Variants in NPAS3 observed in about 807,000 individuals in gnomAD.
NPAS3 encodes neuronal PAS domain-containing protein 3.
Under a neutral mutation model 73.1 loss-of-function variants are expected in NPAS3, and 14 were observed. The ratio of observed to expected loss-of-function variants is 0.19; its 90% CI spans 0.13 to 0.30. NPAS3 has a LOEUF of 0.30. Ranked by LOEUF, NPAS3 falls within the 10% of genes least tolerant of loss-of-function variation. NPAS3 has a pLI of 1.00. For missense variants in NPAS3, 1,096 were observed against 1,250.0 expected, an observed-to-expected ratio of 0.88 and a Z score of 1.86; for synonymous variants, 620 against 541.5, an observed-to-expected ratio of 1.14 and a Z score of -2.01.
chr14:33,420,832 T>G (rs556947033), intron 4 of NPAS3, among the ~76,000 whole-genome samples: 2 of 152,028 alleles, frequency 1.3e-5, no homozygotes, highest in African/African-American at 4.8e-5. Flanking sequence ...TCTATATAGA[T>G]TCATGCCATC....
chr14:33,473,099 A>AT (rs919511374), intron 4 of NPAS3, among the ~76,000 whole-genome samples: 20 of 152,118 alleles, frequency 1.3e-4, no homozygotes, highest in African/African-American at 4.8e-4. Context: ...TAAAAGAGAG[A>AT]TTTTGCAGAG....
chr14:33,758,059 G>A (rs1791228540), intron 7 of NPAS3, among the ~76,000 whole-genome samples: 1 of 152,112 alleles, frequency 6.6e-6, no homozygotes, highest in Admixed American at 6.5e-5. Context: ...TAAATCTCAG[G>A]TGCAGTCATA....
intron 2 of NPAS3, among the ~76,000 whole-genome samples, chr14:33,095,219 G>A (rs1566555616): frequency 6.6e-6 from 1 of 152,222 alleles, no homozygotes; most frequent in Non-Finnish European, 1.5e-5. Flanking sequence ...AAAGGTAGGA[G>A]TGCAATGAGT....
At chr14:32,969,662 A>G (rs1180136947) in intron 1 of NPAS3, among the ~76,000 whole-genome samples, 2 of 152,206 alleles carry the variant, frequency 1.3e-5, no homozygotes, top group Admixed American at 1.3e-4. Flanking sequence ...CTAGATTAGA[A>G]TGTCCACTGT....
At chr14:33,717,273 T>C (rs1204395430) in intron 6 of NPAS3, among the ~76,000 whole-genome samples, 1 of 151,412 alleles carries the variant, frequency 6.6e-6, no homozygotes, top group Non-Finnish European at 1.5e-5. Context: ...GAAAACCAGT[T>C]TCCTCAGGGA....
intron 1 of NPAS3, among the ~76,000 whole-genome samples, chr14:32,954,690 A>G (rs2036606953): frequency 6.6e-6 from 1 of 152,082 alleles, no homozygotes; most frequent in Non-Finnish European, 1.5e-5. Flanking sequence ...CTCCTCTTCT[A>G]TCTTGCCTTT....
At position 33,337,627 on chromosome 14, in the gene NPAS3, T is replaced by A. The variant is rs1453528430; in HGVS notation, c.386-29559T>A. On this transcript the variant is annotated intron_variant, in intron 3 of 11. Coordinates refer to ENST00000356141, the Ensembl canonical transcript of NPAS3. ...ATTTGTTAGTTTCTATAAAAATTCCTGCTGGAATTTTTATAGAAATTCCAC... is the reference window on the plus strand; with the variant it reads ...ATTTGTTAGTTTCTATAAAAATTCCAGCTGGAATTTTTATAGAAATTCCAC... Among the ~76,000 whole-genome samples, 6 of 152,224 alleles carry A rather than the reference T, an allele frequency of 3.9e-5. No homozygotes were observed. In the East Asian group the frequency reaches 7.7e-4, roughly 20 times the overall value.
chr14:33,456,633 A>T (rs2050034824), intron 4 of NPAS3, among the ~76,000 whole-genome samples: 1 of 152,192 alleles, frequency 6.6e-6, no homozygotes, highest in Admixed American at 6.5e-5. Context: ...GGAAAGCTTT[A>T]TAACGACTCA....
rs371957624 is a variant in NPAS3 at position 33,308,523 on chromosome 14, TATATAC to T, written c.386-58659_386-58654del. On this transcript the variant is annotated intron_variant, in intron 3 of 11. Transcript: ENST00000356141. ...CTATTGCATAGTTTATATATATATA[TATATAC>T]ATACACACACACACACACACACACA... Among the ~76,000 whole-genome samples, 102 of 88,810 alleles carry T rather than the reference TATATAC, an allele frequency of 1.1e-3. 4 individuals carry two copies. Among genetic ancestry groups the T allele is most frequent in the African/African-American group, 1.3e-3 (28 of 21,720 alleles). The allele number at this position is 88,810 out of a possible 152,430, so 58.3% of individuals were successfully genotyped here. A position where few individuals can be genotyped will look rare whatever the true frequency, so the allele number is the denominator to read the frequency against.
At chr14:33,639,896 A>G (rs902370381) in intron 5 of NPAS3, among the ~76,000 whole-genome samples, 9 of 152,152 alleles carry the variant, frequency 5.9e-5, no homozygotes, top group Non-Finnish European at 1.0e-4. Flanking sequence ...TTTCAGCTAT[A>G]TTGTCTTACT....
intron 2 of NPAS3, among the ~76,000 whole-genome samples, chr14:33,087,356 C>G (rs1049199669): frequency 6.6e-6 from 1 of 151,250 alleles, no homozygotes; most frequent in African/African-American, 2.4e-5. Context: ...CCAAACTTAA[C>G]TTACTGTGTT....
intron 1 of NPAS3, among the ~76,000 whole-genome samples, chr14:32,999,239 C>T (rs368225285): frequency 1.4e-3 from 214 of 152,158 alleles, no homozygotes; most frequent in African/African-American, 4.5e-3. Context: ...CGGCCGGGTG[C>T]GGTGGCTCAT....
At chr14:33,684,530 T>A (rs1196305720) in intron 6 of NPAS3, among the ~76,000 whole-genome samples, 2 of 152,132 alleles carry the variant, frequency 1.3e-5, no homozygotes, top group Admixed American at 1.3e-4. Flanking sequence ...ACTCCTGACC[T>A]CAGGTGATCT....
chr14:33,718,164 T>C (rs1289722807), intron 6 of NPAS3, among the ~76,000 whole-genome samples: 1 of 152,146 alleles, frequency 6.6e-6, no homozygotes, highest in Non-Finnish European at 1.5e-5. Context: ...TCCTGTTCTT[T>C]TCATTCTTCT....
chr14:33,015,326 T>G (rs1012554174), intron 1 of NPAS3, among the ~76,000 whole-genome samples: 9 of 152,082 alleles, frequency 5.9e-5, no homozygotes, highest in Admixed American at 5.2e-4. Context: ...AAATTGAAAT[T>G]TGGGGCTAGT....
intron 1 of NPAS3, among the ~76,000 whole-genome samples, chr14:33,051,263 A>T (rs10151241): frequency 0.023 from 3,021 of 128,936 alleles, 100 homozygotes; most frequent in African/African-American, 0.086. Context: ...CCTGGGCAAC[A>T]GAGCGAGACT....
intron 1 of NPAS3, among the ~76,000 whole-genome samples, chr14:32,984,713 G>A (rs573756827): frequency 6.6e-6 from 1 of 152,196 alleles, no homozygotes; most frequent in Admixed American, 6.5e-5. Flanking sequence ...AAAACACAGT[G>A]GAACCGAAAT....
chr14:33,708,870 A>T (rs1444323537), intron 6 of NPAS3, among the ~76,000 whole-genome samples: 2 of 152,144 alleles, frequency 1.3e-5, no homozygotes, highest in Non-Finnish European at 2.9e-5. Context: ...GGTCTTTGGT[A>T]GGATTGACTG....
At position 33,366,964 on chromosome 14, in the gene NPAS3, AT is replaced by A. The variant is rs748111256; in HGVS notation, c.386-215del. ...AGGAAAATTTTTAAAGTCTGAATGT[AT>A]TTTTTTGATGTTTCTAGAAGTCGAT... On this transcript the variant is annotated intron_variant, in intron 3 of 11. Transcript: ENST00000356141. Among the ~76,000 whole-genome samples the A allele has an allele frequency of 4.6e-5, 7 of 150,658 alleles. No homozygotes were observed. The South Asian group carries it at 1.3e-3, about 27-fold the overall frequency.
Sources: gnomAD v4.1 joint callset for allele counts (sites outside exome capture counted in the v4.1 genomes callset) on GRCh38, gnomAD v4.1.1 for gene constraint, MANE v1.5 for transcripts, NCBI Gene and HGNC (gene_info 2026-07-23, HGNC 2026-07-21) for gene names.